Variants in TRAPPC9 observed in about 807,000 individuals in gnomAD.
TRAPPC9 encodes the protein trafficking protein particle complex subunit 9, also known as IKK2 binding protein.
In TRAPPC9, 83 loss-of-function variants were observed where a neutral mutation model predicts 124.0. The ratio of observed to expected loss-of-function variants is 0.67; its 90% CI spans 0.56 to 0.80. TRAPPC9 has a LOEUF of 0.80. Ranked by LOEUF, TRAPPC9 falls within the 30% of genes least tolerant of loss-of-function variation. The pLI is 0.00. For synonymous variants in TRAPPC9, 638 were observed against 617.5 expected (o/e 1.03, Z -0.49); for missense variants, 1,302 against 1,508.3 (o/e 0.86, Z 2.27).
chr8:139,879,218 G>C (rs1312309536), intron 21 of TRAPPC9, among the ~76,000 whole-genome samples: 1 of 152,180 alleles, frequency 6.6e-6, no homozygotes, highest in Non-Finnish European at 1.5e-5. Context: ...CAGGTCATGG[G>C]GGGTGGGGCG....
chr8:139,942,240 C>T (rs992285992), intron 19 of TRAPPC9, among the ~76,000 whole-genome samples: 27 of 152,286 alleles, frequency 1.8e-4, no homozygotes, highest in Middle Eastern at 3.4e-3. Context: ...CTGCTGAGCA[C>T]GAGGGTTCTC....
chr8:139,894,109 C>T (rs1007642237), intron 20 of TRAPPC9, among the ~76,000 whole-genome samples: 5 of 152,232 alleles, frequency 3.3e-5, no homozygotes, highest in Non-Finnish European at 7.3e-5. Context: ...ACACTGCTGG[C>T]AGGAAAACAC....
chr8:140,242,349 G>C (rs1460246427), intron 16 of TRAPPC9, among the ~76,000 whole-genome samples: 1 of 152,238 alleles, frequency 6.6e-6, no homozygotes, highest in Non-Finnish European at 1.5e-5. Context: ...CCAAGGCAAA[G>C]AGGGAGAGAA....
intron 17 of TRAPPC9, among the ~76,000 whole-genome samples, chr8:140,157,023 T>C (rs1188451334): frequency 1.4e-4 from 3 of 21,080 alleles, no homozygotes; most frequent in Non-Finnish European, 1.0e-4. Context: ...GAAGCCTCCC[T>C]TTTCCATTCA....
intron 13 of TRAPPC9, among the ~76,000 whole-genome samples, chr8:140,287,280 C>G (rs2065512789): frequency 1.3e-5 from 2 of 152,042 alleles, no homozygotes; most frequent in South Asian, 4.2e-4. Context: ...AGGGGAGATT[C>G]AGCGTGTGTA....
intron 2 of TRAPPC9, among the ~76,000 whole-genome samples, chr8:140,439,700 A>G (rs1015538989): frequency 2.6e-5 from 4 of 152,226 alleles, no homozygotes; most frequent in African/African-American, 9.6e-5. Flanking sequence ...TGGGGTGCTC[A>G]CTAACAGCTC....
chr8:140,025,557 G>T (rs1360874658), intron 17 of TRAPPC9, among the ~76,000 whole-genome samples: 1 of 75,668 alleles, frequency 1.3e-5, no homozygotes, highest in Admixed American at 1.4e-4. Flanking sequence ...AAAAGCATAA[G>T]CAAAATGCAA....
At chr8:139,765,673 G>A (rs1016502245) in intron 21 of TRAPPC9, among the ~76,000 whole-genome samples, 15 of 152,212 alleles carry the variant, frequency 9.9e-5, no homozygotes, top group Non-Finnish European at 2.1e-4. Flanking sequence ...ATTCCCAGAA[G>A]GCTGCCAGAG....
At chr8:140,362,750 T>C (rs1004307517) in intron 8 of TRAPPC9, among the ~76,000 whole-genome samples, 1 of 152,184 alleles carries the variant, frequency 6.6e-6, no homozygotes, top group Non-Finnish European at 1.5e-5. Flanking sequence ...ATCAATGTCA[T>C]GACTAACCTA....
chr8:139,963,945 C>T (rs1427478160), intron 19 of TRAPPC9, among the ~76,000 whole-genome samples: 2 of 152,068 alleles, frequency 1.3e-5, no homozygotes, highest in Non-Finnish European at 2.9e-5. Context: ...TTGTTTTTAG[C>T]CAGGCACGGT....
intron 17 of TRAPPC9, among the ~76,000 whole-genome samples, chr8:140,051,136 G>C (rs964879177): frequency 2.6e-5 from 4 of 152,336 alleles, no homozygotes; most frequent in African/African-American, 9.6e-5. Context: ...CCAGATGTTA[G>C]CAAGAGAGAA....
At chr8:140,359,427 TAAG>T (rs981973284) in intron 9 of TRAPPC9, among the ~76,000 whole-genome samples, 3 of 152,108 alleles carry the variant, frequency 2.0e-5, no homozygotes, top group African/African-American at 7.2e-5. Flanking sequence ...AGGAGCAGTG[TAAG>T]AAGAGAAGAT....
At chr8:139,991,985 T>A (rs1837680621) in intron 18 of TRAPPC9, among the ~76,000 whole-genome samples, 1 of 152,062 alleles carries the variant, frequency 6.6e-6, no homozygotes, top group Non-Finnish European at 1.5e-5. Context: ...GCTATTATAC[T>A]CCTGTGAGGG....
chr8:140,225,133 TC>T (rs2063417059), intron 16 of TRAPPC9, among the ~76,000 whole-genome samples: 1 of 152,236 alleles, frequency 6.6e-6, no homozygotes, highest in South Asian at 2.1e-4. Flanking sequence ...AAAGAGCTGT[TC>T]TTATTCCTAC....
At chr8:140,238,801 CTGATCAGAGAGCTGGGGCCACGGGGAAA>C (rs2063785237) in intron 16 of TRAPPC9, among the ~76,000 whole-genome samples, 1 of 152,236 alleles carries the variant, frequency 6.6e-6, no homozygotes. Flanking sequence ...CTTTCCCTGC[CTGATCAGAGAGCTGGGGCCACGGGGAAA>C]ACAGCTAGCC....
intron 17 of TRAPPC9, among the ~76,000 whole-genome samples, chr8:140,220,528 C>T (rs1563857268): frequency 6.6e-6 from 1 of 152,178 alleles, no homozygotes; most frequent in South Asian, 2.1e-4. Context: ...AGGACTCTTC[C>T]CCTAAAACTA....
intron 17 of TRAPPC9, among the ~76,000 whole-genome samples, chr8:140,197,747 A>C (rs1275608934): frequency 6.6e-6 from 1 of 152,220 alleles, no homozygotes; most frequent in Non-Finnish European, 1.5e-5. Context: ...ATAAAACAAA[A>C]GAGAACAGAA....
At chr8:140,336,257 A>G (rs1305541717) in intron 9 of TRAPPC9, among the ~76,000 whole-genome samples, 1 of 152,174 alleles carries the variant, frequency 6.6e-6, no homozygotes, top group Non-Finnish European at 1.5e-5. Context: ...TGACATAATG[A>G]TCACAGTTAC....
intron 9 of TRAPPC9, among the ~76,000 whole-genome samples, chr8:140,347,974 C>A (rs1292242311): frequency 3.9e-5 from 6 of 152,224 alleles, no homozygotes; most frequent in Non-Finnish European, 5.9e-5. Context: ...CATATATCAT[C>A]ACCCCACCAC....
Sources: allele counts gnomAD v4.1 joint callset (sites outside exome capture counted in the v4.1 genomes callset), GRCh38; gene constraint gnomAD v4.1.1; transcripts MANE v1.5; gene names NCBI Gene and HGNC (gene_info 2026-07-23, HGNC 2026-07-21).